TMEM108: variants seen among roughly 807,000 people sequenced by gnomAD.
TMEM108 encodes the protein cancer/testis antigen 124.
A neutral mutation model predicts 35.1 loss-of-function variants in TMEM108; 12 were observed. That is an observed-to-expected ratio of 0.34 (90% CI 0.22 to 0.55). TMEM108 has a LOEUF of 0.55. Ranked by LOEUF, TMEM108 falls within the 20% of genes least tolerant of loss-of-function variation. TMEM108 has a pLI of 0.89. For synonymous variants in TMEM108, 287 were observed against 308.6 expected (o/e 0.93, Z 0.73); for missense variants, 680 against 753.3 (o/e 0.90, Z 1.14).
chr3:133,264,034 G>A (rs750724643), intron 3 of TMEM108, among the ~76,000 whole-genome samples: 2 of 152,062 alleles, frequency 1.3e-5, no homozygotes, highest in Admixed American at 6.5e-5. Flanking sequence ...GACCAAGTGT[G>A]ATGATGCATA....
chr3:133,321,980 A>G (rs528407621), intron 3 of TMEM108, among the ~76,000 whole-genome samples: 3 of 152,306 alleles, frequency 2.0e-5, no homozygotes, highest in African/African-American at 7.2e-5. Context: ...TTTGAACTGA[A>G]TGATAATTTT....
intron 2 of TMEM108, among the ~76,000 whole-genome samples, chr3:133,212,548 A>T (rs942735801): frequency 6.6e-6 from 1 of 152,132 alleles, no homozygotes; most frequent in Non-Finnish European, 1.5e-5. Context: ...AAGATAGACT[A>T]GGACTAGCAC....
rs747241673 is a variant in TMEM108 at position 133,380,195 on chromosome 3, A to G, written c.484A>G (p.Thr162Ala). The G allele has an allele frequency of 3.7e-6, 6 of 1,605,046 alleles. No individual in the cohort carries two copies. The highest frequency in any genetic ancestry group is 5.1e-6 in the Non-Finnish European group (6 of 1,174,850). ...RPTTAPPRTT[T>A]RRPPRPPGSS... ...CACCACAGCGCCCCCCCGCACTACC[A>G]CACGCAGGCCCCCCAGGCCCCCAGG... The change falls in exon 4 of 6, where the codon ACA becomes GCA. Residue 162 changes from threonine (T) to alanine (A), a missense_variant. Transcript: ENST00000321871. This position sits in a 1 kb window ranked among gnomAD's most constrained non-coding sequence, Gnocchi z 5.3.
chr3:133,089,880 A>G (rs1317487756), intron 2 of TMEM108, among the ~76,000 whole-genome samples: 1 of 152,210 alleles, frequency 6.6e-6, no homozygotes, highest in Non-Finnish European at 1.5e-5. Context: ...TTTCAAGTTC[A>G]ATTAAATGTC....
At chr3:133,321,460 A>G (rs1021551161) in intron 3 of TMEM108, among the ~76,000 whole-genome samples, 2 of 152,228 alleles carry the variant, frequency 1.3e-5, no homozygotes, top group East Asian at 3.8e-4. Context: ...ATCCAACTGG[A>G]AAATATCACA....
At chr3:133,249,453 C>T (rs1946434525) in intron 3 of TMEM108, among the ~76,000 whole-genome samples, 1 of 152,162 alleles carries the variant, frequency 6.6e-6, no homozygotes, top group African/African-American at 2.4e-5. Flanking sequence ...TGTTTTACTG[C>T]TCCTCCTTCC....
At chr3:133,367,596 A>G (rs1221450681) in intron 3 of TMEM108, among the ~76,000 whole-genome samples, 2 of 152,226 alleles carry the variant, frequency 1.3e-5, no homozygotes, top group African/African-American at 4.8e-5. Context: ...ACCTTTGGCA[A>G]CTGAGGAGAG....
intron 3 of TMEM108, among the ~76,000 whole-genome samples, chr3:133,283,057 C>T (rs1354464027): frequency 1.3e-5 from 2 of 152,166 alleles, no homozygotes; most frequent in Non-Finnish European, 2.9e-5. Flanking sequence ...CTCTGGGCAG[C>T]AGAGTAGATG....
chr3:133,077,515 C>A (rs903709960), intron 2 of TMEM108, among the ~76,000 whole-genome samples: 1 of 152,158 alleles, frequency 6.6e-6, no homozygotes, highest in African/African-American at 2.4e-5. Flanking sequence ...CTGCTCTCCC[C>A]ACTTTGTTCT....
chr3:133,268,711 C>T (rs571805887), intron 3 of TMEM108, among the ~76,000 whole-genome samples: 27 of 152,286 alleles, frequency 1.8e-4, no homozygotes, highest in Admixed American at 9.8e-4. Context: ...CTGAATACTT[C>T]TCTGCTCTAA....
intron 4 of TMEM108, chr3:133,386,687 A>G (rs575781181): frequency 1.7e-5 from 24 of 1,395,850 alleles, no homozygotes; most frequent in Non-Finnish European, 2.2e-5. Flanking sequence ...CTTTTCAACT[A>G]AATGGGAAAG....
intron 3 of TMEM108, among the ~76,000 whole-genome samples, chr3:133,269,540 C>T (rs1004035027): frequency 6.6e-6 from 1 of 152,294 alleles, no homozygotes; most frequent in African/African-American, 2.4e-5. Context: ...GCTTCATTGG[C>T]ATATGTCCAG....
In TMEM108 at chr3:133,246,400, G is replaced by A. The variant is rs183916391; in HGVS notation, c.40+17049G>A. On this transcript the variant is annotated intron_variant, in intron 3 of 5. Transcript: ENST00000321871. ...GTGCCTTGAGTCCAGCAGTTTTTTG[G>A]CCATTGTGTTAAGAGATAGGAGTTG... 387 of 152,088 alleles carry A rather than the reference G, an allele frequency of 2.5e-3. 1 individual carries two copies. Among genetic ancestry groups the A allele is most frequent in the African/African-American group, 8.8e-3 (367 of 41,480 alleles). The allele number at this position is 152,088 out of a possible 1,614,324, so 9.4% of individuals were successfully genotyped here.
chr3:133,044,519 T>C (rs1221673502), intron 1 of TMEM108, among the ~76,000 whole-genome samples: 4 of 152,232 alleles, frequency 2.6e-5, no homozygotes, highest in African/African-American at 4.8e-5. Flanking sequence ...CTGTATCTAT[T>C]TTCTACTCAA....
intron 2 of TMEM108, among the ~76,000 whole-genome samples, chr3:133,103,558 C>A (rs1349080700): frequency 6.6e-6 from 1 of 152,056 alleles, no homozygotes; most frequent in Non-Finnish European, 1.5e-5. Flanking sequence ...ATATAACCTG[C>A]ACTTGTACCC....
chr3:133,215,638 G>A (rs1945897017), intron 2 of TMEM108, among the ~76,000 whole-genome samples: 1 of 151,856 alleles, frequency 6.6e-6, no homozygotes, highest in South Asian at 2.1e-4. Flanking sequence ...TTTTACTTTT[G>A]CTTTGTATTT....
chr3:133,384,195 GT>G (rs1484123830), intron 4 of TMEM108, among the ~76,000 whole-genome samples: 1 of 152,176 alleles, frequency 6.6e-6, no homozygotes, highest in Admixed American at 6.5e-5. Flanking sequence ...TCAAAGAAGG[GT>G]TTCATCCTTT....
intron 3 of TMEM108, among the ~76,000 whole-genome samples, chr3:133,296,171 T>C (rs1047979246): frequency 1.3e-5 from 2 of 152,226 alleles, no homozygotes; most frequent in Non-Finnish European, 2.9e-5. Context: ...GGTTTTCTCT[T>C]AGTCATGTTT....
intron 2 of TMEM108, among the ~76,000 whole-genome samples, chr3:133,226,911 A>C (rs1946079787): frequency 6.6e-6 from 1 of 152,148 alleles, no homozygotes; most frequent in East Asian, 1.9e-4. Context: ...GAGGCAAGGG[A>C]GGAGCAAGTC....
Sources: gnomAD v4.1 joint callset for allele counts (sites outside exome capture counted in the v4.1 genomes callset) on GRCh38, gnomAD v4.1.1 for gene constraint, Gnocchi (gnomAD v3.1) non-coding constraint, MANE v1.5 for transcripts, NCBI Gene and HGNC (gene_info 2026-07-23, HGNC 2026-07-21) for gene names.